CFAP69: variants seen among roughly 807,000 people sequenced by gnomAD.
CFAP69 encodes the protein cilia- and flagella-associated protein 69.
Under a neutral mutation model 123.0 loss-of-function variants are expected in CFAP69, and 92 were observed. The observed-to-expected ratio is 0.75, with a 90% CI of 0.63 to 0.89. The LOEUF (loss-of-function observed/expected upper bound fraction) is 0.89. Ranked by LOEUF, CFAP69 falls within the 40% of genes least tolerant of loss-of-function variation. The pLI is 0.00. For missense variants in CFAP69, 1,067 were observed against 1,096.9 expected (o/e 0.97, Z 0.39); for synonymous variants, 380 against 364.3 (o/e 1.04, Z -0.49).
chr7:90,288,444 G>C (rs1232933584), intron 15 of CFAP69, 92 bp downstream of exon 15: 1 of 1,417,812 alleles, frequency 7.1e-7, no homozygotes, highest in African/African-American at 1.4e-5. Context: ...TGTTTCCTTA[G>C]GCAATTTCAT....
At chr7:90,264,748 A>G (rs1798896637) in intron 4 of CFAP69, among the ~76,000 whole-genome samples, 1 of 152,038 alleles carries the variant, frequency 6.6e-6, no homozygotes, top group African/African-American at 2.4e-5. Context: ...AATTCTTATA[A>G]TTAATATAAT....
Position 90,310,268 on chromosome 7 carries a change from C to G in CFAP69, c.*30C>G. On this transcript the variant is annotated 3_prime_UTR_variant, in exon 23 of 23. Coordinates refer to ENST00000389297, the MANE Select transcript of CFAP69 (RefSeq NM_001039706.3). Reference sequence around the variant, plus strand: ...CTATAGAGACTTTTTGAAATAAAGTCAGCTTATAATTTTTTAGCTGAATAT... The same window carrying G: ...CTATAGAGACTTTTTGAAATAAAGTGAGCTTATAATTTTTTAGCTGAATAT... 1 of 1,533,286 alleles carries G rather than the reference C, an allele frequency of 6.5e-7. No homozygotes were observed. Among genetic ancestry groups the G allele is most frequent in the Non-Finnish European group, 8.8e-7 (1 of 1,131,790 alleles). The allele number at this position is 1,533,286 out of a possible 1,614,324, so 95.0% of individuals were successfully genotyped here.
Position 90,300,002 on chromosome 7 carries a change from T to C in CFAP69, c.1993T>C (p.Trp665Arg). The stretch of plus-strand genomic sequence containing the variant: ...AGCTGCTAGTCTTTTAATTAAATTG[T>C]GGAGAAAGGAGGAAAAAGAACTAGG... ...QTAASLLIKL[W>R]RKEEKELGVK... The change falls in exon 17 of 23, where the codon TGG (tryptophan) becomes CGG (arginine). Residue 665 changes from tryptophan to arginine, a missense_variant. Coordinates refer to ENST00000389297, the MANE Select transcript of CFAP69 (RefSeq NM_001039706.3). The C allele has an allele frequency of 6.2e-7, 1 of 1,610,330 alleles. No individual in the cohort carries two copies. Among genetic ancestry groups the C allele is most frequent in the Non-Finnish European group, 8.5e-7 (1 of 1,178,526 alleles).
chr7:90,284,312 A>G (rs1789939683), intron 13 of CFAP69, among the ~76,000 whole-genome samples: 1 of 152,166 alleles, frequency 6.6e-6, no homozygotes, highest in Non-Finnish European at 1.5e-5. Context: ...GTAAATGTTT[A>G]TACACTTCCT....
At chr7:90,307,264 C>T (rs1006816964) in intron 20 of CFAP69, among the ~76,000 whole-genome samples, 166 bp downstream of exon 20, 1 of 152,136 alleles carries the variant, frequency 6.6e-6, no homozygotes, top group Non-Finnish European at 1.5e-5. Flanking sequence ...TGGAATGCTC[C>T]TAACACAAAG....
chr7:90,305,764 A>G (rs1307426133), intron 19 of CFAP69, among the ~76,000 whole-genome samples: 1 of 151,698 alleles, frequency 6.6e-6, no homozygotes, highest in Non-Finnish European at 1.5e-5. Flanking sequence ...ATTACTTTAT[A>G]TTATGATCCA....
At chr7:90,289,260 A>G (rs1401514944) in intron 15 of CFAP69, among the ~76,000 whole-genome samples, 1 of 152,084 alleles carries the variant, frequency 6.6e-6, no homozygotes, top group East Asian at 1.9e-4. Flanking sequence ...ACTTACATCA[A>G]TTACACCTTT....
At chr7:90,277,703 C>A (rs753891739) in intron 11 of CFAP69, among the ~76,000 whole-genome samples, 14 of 152,104 alleles carry the variant, frequency 9.2e-5, no homozygotes, top group Non-Finnish European at 1.9e-4. Flanking sequence ...AATTATTAAC[C>A]TCTGTGATGC....
chr7:90,288,273 G>A lies in CFAP69; in HGVS notation c.1696G>A (p.Val566Met). The A allele has an allele frequency of 1.2e-6, 2 of 1,611,886 alleles. No individual in the cohort carries two copies. The highest frequency in any genetic ancestry group is 1.7e-4 in the Middle Eastern group (1 of 6,048). Residue 566 changes from valine (V) to methionine (M), a missense_variant, in exon 15 of 23, where the codon GTG (valine) becomes ATG (methionine). Coordinates refer to ENST00000389297, the MANE Select transcript of CFAP69 (RefSeq NM_001039706.3). ...TGAAGGAGTAGATATCGTTCTTCATGTGATGAAAACAGACCCCAGGAAGTT... is the reference window on the plus strand; with the variant it reads ...TGAAGGAGTAGATATCGTTCTTCATATGATGAAAACAGACCCCAGGAAGTT... ...GTEGVDIVLH[V>M]MKTDPRKLQS...
chr7:90,279,823 A>C lies in CFAP69; in HGVS notation c.1302A>C (p.Leu434Phe). The C allele has an allele frequency of 6.2e-7, 1 of 1,613,152 alleles. No individual in the cohort carries two copies. The highest frequency in any genetic ancestry group is 8.5e-7 in the Non-Finnish European group (1 of 1,179,810). The change falls in exon 12 of 23, where the codon TTA (leucine) becomes TTC (phenylalanine). Residue 434 changes from leucine to phenylalanine, a missense_variant. By Grantham distance (22) the Leu-to-Phe change is conservative. Transcript: ENST00000389297. ...IATLSSVAPL[L>F]IEEYMSCQGN... ...CTTTGTCATCAGTGGCTCCTTTATT[A>C]ATAGAAGAATACATGTCATGCCAGG...
intron 6 of CFAP69, 85 bp from the exon 7 acceptor site, chr7:90,271,441 T>G (rs1055014808): frequency 4.3e-6 from 6 of 1,397,470 alleles, no homozygotes; most frequent in Non-Finnish European, 4.9e-6. Context: ...TTCTTGCTGT[T>G]GCTTAATAAT....
Position 90,283,415 on chromosome 7 carries a change from A to G in CFAP69, c.1537+359A>G, listed in dbSNP as rs17867312. On this transcript the variant is annotated intron_variant, in intron 13 of 22. Coordinates refer to ENST00000389297, the MANE Select transcript of CFAP69 (RefSeq NM_001039706.3). ...AGGATAACATGGCATATTCCAATGCATGTGTCATAACAGAACACTGGTACA... is the reference window on the plus strand; with the variant it reads ...AGGATAACATGGCATATTCCAATGCGTGTGTCATAACAGAACACTGGTACA... Among the ~76,000 whole-genome samples, 517 of 152,324 alleles carry G rather than the reference A, an allele frequency of 3.4e-3. 3 individuals carry two copies. The highest frequency in any genetic ancestry group is 0.012 in the African/African-American group (495 of 41,574).
At position 90,282,896 on chromosome 7, in the gene CFAP69, GT is replaced by G; in HGVS notation, c.1382del (p.Phe461SerfsTer24). 4 of 1,475,228 alleles carry G rather than the reference GT, an allele frequency of 2.7e-6. No homozygotes were observed. Among genetic ancestry groups the G allele is most frequent in the Non-Finnish European group, 2.7e-6 (3 of 1,111,396 alleles). The allele number at this position is 1,475,228 out of a possible 1,614,324, so 91.4% of individuals were successfully genotyped here. ...ATTATCACTTTTTCTCCACAGATCC[GT>G]TTTTCAGTCATGGTAACAGTTTTCA... is the stretch of plus-strand genomic sequence containing the variant. ...FLEWCESEDP[F>X]FSHGNSFHGT... On this transcript the variant is annotated frameshift_variant, in exon 13 of 23. Transcript: ENST00000389297.
intron 4 of CFAP69, 56 bp from the exon 5 acceptor site, chr7:90,265,245 C>A: frequency 9.3e-7 from 1 of 1,069,680 alleles, no homozygotes; most frequent in Non-Finnish European, 1.4e-6. Context: ...ACAAATGATG[C>A]TTCAATTAAA....
chr7:90,305,549 C>T (rs1052658967), intron 19 of CFAP69, among the ~76,000 whole-genome samples: 7 of 151,318 alleles, frequency 4.6e-5, no homozygotes, highest in East Asian at 2.0e-4. Flanking sequence ...CCCGCCACCA[C>T]GCCCAGCTAA....
chr7:90,284,484 G>A (rs976640055), intron 13 of CFAP69, among the ~76,000 whole-genome samples: 1 of 152,040 alleles, frequency 6.6e-6, no homozygotes, highest in Non-Finnish European at 1.5e-5. Flanking sequence ...TTACAAACAT[G>A]TATAGAGCAG....
At chr7:90,290,655 C>T (rs1790991636) in intron 15 of CFAP69, among the ~76,000 whole-genome samples, 1 of 152,166 alleles carries the variant, frequency 6.6e-6, no homozygotes, top group Non-Finnish European at 1.5e-5. Flanking sequence ...ATTTCATATA[C>T]CAGCCTCTAC....
intron 14 of CFAP69, 117 bp from the exon 15 acceptor site, chr7:90,288,117 T>C: frequency 1.4e-6 from 1 of 701,046 alleles, no homozygotes; most frequent in Non-Finnish European, 2.3e-6. Flanking sequence ...AGTATTTTTC[T>C]AACAATGTTG....
intron 1 of CFAP69, among the ~76,000 whole-genome samples, chr7:90,250,763 C>T (rs1020136639): frequency 6.6e-6 from 1 of 152,080 alleles, no homozygotes. Context: ...CACGTTAAGC[C>T]TATGATTCAG....
Sources: allele counts gnomAD v4.1 joint callset (sites outside exome capture counted in the v4.1 genomes callset), GRCh38; gene constraint gnomAD v4.1.1; transcripts MANE v1.5; gene names NCBI Gene and HGNC (gene_info 2026-07-23, HGNC 2026-07-21).